The following RBFOX3 variants were observed in gnomAD, a reference collection of about 807,000 sequenced individuals.
RBFOX3 encodes RNA binding fox-1 homolog 3.
RBFOX3 carries 17 observed loss-of-function variants against 48.7 expected under a neutral mutation model. The observed-to-expected ratio is 0.35, with a 90% CI of 0.24 to 0.52. RBFOX3 has a LOEUF of 0.52. Among genes scored for constraint, RBFOX3 ranks in the 20% least tolerant of loss-of-function variants. The pLI, the probability that RBFOX3 is intolerant of heterozygous loss-of-function variation, is 0.94. For synonymous variants in RBFOX3, 212 were observed against 209.5 expected, an observed-to-expected ratio of 1.01 and a Z score of -0.10; for missense variants, 382 against 497.5, an observed-to-expected ratio of 0.77 and a Z score of 2.21.
intron 2 of RBFOX3, among the ~76,000 whole-genome samples, chr17:79,312,229 A>G (rs958311202): frequency 2.0e-5 from 3 of 150,574 alleles, no homozygotes; most frequent in African/African-American, 7.3e-5. Flanking sequence ...GACAAAGAAG[A>G]GGGCTGGGAA....
In RBFOX3 at chr17:79,269,572, C is replaced by T. The variant is rs531078866; in HGVS notation, c.-73-33767G>A. Among the ~76,000 whole-genome samples, 3 of 152,042 alleles carry T rather than the reference C, an allele frequency of 2.0e-5. No individual in the cohort carries two copies. In the South Asian group the frequency reaches 6.2e-4, roughly 32 times the overall value. On this transcript the variant is annotated intron_variant, in intron 3 of 14. Transcript: ENST00000693108. ...GTCACCTGGCCCTCTGGATCCTCCT[C>T]CCCGTCTCCCTGGGGATCGTCCCAT... is the stretch of plus-strand genomic sequence containing the variant.
chr17:79,104,216 G>T, intron 6 of RBFOX3, 90 bp from the exon 7 acceptor site: 1 of 1,136,340 alleles, frequency 8.8e-7, no homozygotes, highest in Non-Finnish European at 1.3e-6. Flanking sequence ...CTCCTGAGAC[G>T]CTCATGCCTG....
chr17:79,095,386 C>G (rs1038124462), intron 13 of RBFOX3, 127 bp downstream of exon 13: 1 of 798,798 alleles, frequency 1.3e-6, no homozygotes, highest in Admixed American at 2.5e-5. Context: ...TCCCCTGTCC[C>G]GACCCTACTC....
At chr17:79,635,620 G>A in the RBFOX3 span, among the ~76,000 whole-genome samples, 1 of 151,830 alleles carries the variant, frequency 6.6e-6, no homozygotes, top group Non-Finnish European at 1.5e-5. Flanking sequence ...AACAACTTCT[G>A]TACTGGAAAA....
In RBFOX3 at chr17:79,574,405, A is replaced by C. The variant is rs1179949635; in HGVS notation, c.-320+36421T>G. ...AAAACCCACCAAAACCAAGATGGCG[A>C]TCAAAGTGAACTCCAGTCATCCTCA... On this transcript the variant is annotated intron_variant, in intron 1 of 14. Coordinates refer to ENST00000693108, the MANE Select transcript of RBFOX3 (RefSeq NM_001350451.2). Among the ~76,000 whole-genome samples the C allele has an allele frequency of 2.6e-5, 4 of 152,326 alleles. No individual in the cohort carries two copies. The East Asian group carries it at 7.7e-4, about 29-fold the overall frequency.
rs1352970541 is a variant in RBFOX3, at chr17:79,249,795, C to T, written c.-73-13990G>A. Among the ~76,000 whole-genome samples, 8 of 152,134 alleles carry T rather than the reference C, an allele frequency of 5.3e-5. No homozygotes were observed. The highest frequency in any genetic ancestry group is 1.9e-4 in the East Asian group (1 of 5,184). On this transcript the variant is annotated intron_variant, in intron 3 of 14. Transcript: ENST00000693108. The surrounding 1 kb of genome is among the most constrained non-coding windows in gnomAD (Gnocchi z 4.1). ...GTACCTCCCTGTGTGTCCCTGATGC[C>T]GAGTTCCCTGTCTCTAGGGATCTGT...
At chr17:79,372,227 C>T (rs1301791494) in intron 2 of RBFOX3, among the ~76,000 whole-genome samples, 1 of 152,040 alleles carries the variant, frequency 6.6e-6, no homozygotes, top group Non-Finnish European at 1.5e-5. Context: ...GCTGGCTCCC[C>T]AGCCTGTCCT....
chr17:79,297,420 G>C (rs1040126773), intron 3 of RBFOX3, among the ~76,000 whole-genome samples: 1 of 152,228 alleles, frequency 6.6e-6, no homozygotes, highest in Non-Finnish European at 1.5e-5. Flanking sequence ...GTAACTAGTA[G>C]AGCAGGTGAG....
At chr17:79,383,956 G>T (rs1384057863) in intron 2 of RBFOX3, among the ~76,000 whole-genome samples, 2 of 152,172 alleles carry the variant, frequency 1.3e-5, no homozygotes, top group Non-Finnish European at 2.9e-5. Context: ...CAGGGTATGT[G>T]GGGGAAGGCA....
chr17:79,616,608 C>CACA, the RBFOX3 span, among the ~76,000 whole-genome samples: 3 of 150,774 alleles, frequency 2.0e-5, no homozygotes, highest in South Asian at 4.2e-4. Context: ...CACACACACA[C>CACA]GTGTTACTAC....
At chr17:79,410,519 CAG>C (rs1193435849) in intron 2 of RBFOX3, among the ~76,000 whole-genome samples, 3 of 152,156 alleles carry the variant, frequency 2.0e-5, no homozygotes, top group East Asian at 1.9e-4. Flanking sequence ...CTTTGAAACA[CAG>C]AGAGTTTTCT....
At chr17:79,401,655 C>T (rs946965507) in intron 2 of RBFOX3, among the ~76,000 whole-genome samples, 2 of 152,210 alleles carry the variant, frequency 1.3e-5, no homozygotes, top group African/African-American at 2.4e-5. Context: ...ACCCCGATCC[C>T]ATGCCCCGTG....
chr17:79,463,211 AC>A (rs2075697505), intron 2 of RBFOX3, among the ~76,000 whole-genome samples: 1 of 142,236 alleles, frequency 7.0e-6, no homozygotes, highest in East Asian at 2.2e-4. Context: ...CGCCACTGCC[AC>A]CTCCACTGCC....
chr17:79,639,332 G>A, the RBFOX3 span, among the ~76,000 whole-genome samples: 10 of 151,924 alleles, frequency 6.6e-5, no homozygotes, highest in African/African-American at 2.2e-4. Context: ...CCACCACCGC[G>A]CCCGGCTAAT....
chr17:79,193,245 C>T (rs1056902565), intron 4 of RBFOX3, among the ~76,000 whole-genome samples: 3 of 152,082 alleles, frequency 2.0e-5, no homozygotes, highest in African/African-American at 7.2e-5. Context: ...AGATTACGCT[C>T]GGAAGCCGGG....
upstream of RBFOX3, among the ~76,000 whole-genome samples, chr17:79,613,052 T>A (rs2093980964): frequency 6.6e-6 from 1 of 152,234 alleles, no homozygotes. Flanking sequence ...GAGTTCTGCA[T>A]GTGCCTGTGA....
chr17:79,179,384 G>A lies in RBFOX3; in HGVS notation c.-34+56382C>T, dbSNP rs576471213. 4.6e-5 allele frequency among the ~76,000 whole-genome samples: 7 copies of A among 152,298 alleles called. No homozygotes were observed. The East Asian group carries it at 5.8e-4, about 13-fold the overall frequency. ...CGCCGCATCCTCCACGGAAGCTTCCGGTGCCTGGTGATGTTTACCTCAGCA... is the reference window on the plus strand; with the variant it reads ...CGCCGCATCCTCCACGGAAGCTTCCAGTGCCTGGTGATGTTTACCTCAGCA... On this transcript the variant is annotated intron_variant, in intron 4 of 14. Coordinates refer to ENST00000693108, the MANE Select transcript of RBFOX3 (RefSeq NM_001350451.2).
chr17:79,360,234 A>T (rs1481504394), intron 2 of RBFOX3, among the ~76,000 whole-genome samples: 1 of 152,150 alleles, frequency 6.6e-6, no homozygotes, highest in Non-Finnish European at 1.5e-5. Context: ...CCTTACAACG[A>T]TATCGATATC....
chr17:79,439,551 C>G (rs2148985571), intron 2 of RBFOX3, among the ~76,000 whole-genome samples: 1 of 152,358 alleles, frequency 6.6e-6, no homozygotes, highest in Non-Finnish European at 1.5e-5. Context: ...GACATACACA[C>G]ACATTCACAT....
Sources: gnomAD v4.1 joint callset for allele counts (sites outside exome capture counted in the v4.1 genomes callset) on GRCh38, gnomAD v4.1.1 for gene constraint, Gnocchi (gnomAD v3.1) non-coding constraint, MANE v1.5 for transcripts, NCBI Gene and HGNC (gene_info 2026-07-23, HGNC 2026-07-21) for gene names.